SCN8A: variants seen among roughly 807,000 people sequenced by gnomAD.
SCN8A encodes sodium voltage-gated channel alpha subunit 8.
Under a neutral mutation model 184.1 loss-of-function variants are expected in SCN8A, and 30 were observed. That is an observed-to-expected ratio of 0.16 (90% confidence interval 0.12 to 0.22). The LOEUF (loss-of-function observed/expected upper bound fraction) is 0.22. Ranked by LOEUF, SCN8A falls within the 10% of genes least tolerant of loss-of-function variation. SCN8A has a pLI of 1.00. For synonymous variants in SCN8A, 852 were observed against 907.0 expected, an observed-to-expected ratio of 0.94 and a Z score of 1.09; for missense variants, 1,057 against 2,498.9, an observed-to-expected ratio of 0.42 and a Z score of 12.30.
intron 1 of SCN8A, among the ~76,000 whole-genome samples, chr12:51,633,361 C>G (rs1416301963): frequency 1.3e-5 from 2 of 152,210 alleles, no homozygotes; most frequent in African/African-American, 4.8e-5. Flanking sequence ...TGTGTTTTCT[C>G]TCCCACATGG....
intron 26 of SCN8A, among the ~76,000 whole-genome samples, chr12:51,800,912 G>A (rs905913560): frequency 6.6e-6 from 1 of 152,204 alleles, no homozygotes; most frequent in Non-Finnish European, 1.5e-5. Flanking sequence ...CTTCCTCAAA[G>A]GGACCAGGCC....
intron 13 of SCN8A, among the ~76,000 whole-genome samples, chr12:51,748,259 C>T (rs1455967549): frequency 2.0e-5 from 3 of 152,080 alleles, no homozygotes; most frequent in Admixed American, 6.6e-5. Flanking sequence ...TATTTTAATC[C>T]AAAGATTAAA....
At chr12:51,612,142 A>ATATT (rs1372007445) in intron 1 of SCN8A, among the ~76,000 whole-genome samples, 3 of 152,072 alleles carry the variant, frequency 2.0e-5, no homozygotes, top group African/African-American at 7.2e-5. Context: ...ATTAAGTATG[A>ATATT]TATTCCCTGC....
At chr12:51,779,211 CT>C (rs1214509010) in intron 20 of SCN8A, among the ~76,000 whole-genome samples, 2 of 100,986 alleles carry the variant, frequency 2.0e-5, no homozygotes, top group Non-Finnish European at 4.0e-5. Context: ...CAGAGTGAGA[CT>C]TTGTCTCAAA....
chr12:51,760,848 C>G (rs1942752270), intron 14 of SCN8A, among the ~76,000 whole-genome samples: 1 of 152,106 alleles, frequency 6.6e-6, no homozygotes, highest in African/African-American at 2.4e-5. Flanking sequence ...CACCGAAAAC[C>G]TATAGGCCAC....
chr12:51,734,273 T>C (rs1164064886), intron 12 of SCN8A, among the ~76,000 whole-genome samples: 1 of 152,074 alleles, frequency 6.6e-6, no homozygotes, highest in Non-Finnish European at 1.5e-5. Flanking sequence ...CACAGAAATA[T>C]AGAGGTGTGA....
chr12:51,805,911 C>G, intron 26 of SCN8A, among the ~76,000 whole-genome samples: 1 of 152,092 alleles, frequency 6.6e-6, no homozygotes. Flanking sequence ...TTACTACAAC[C>G]TCCACCTACC....
chr12:51,656,550 A>G (rs946846073), intron 1 of SCN8A, among the ~76,000 whole-genome samples: 14 of 152,242 alleles, frequency 9.2e-5, no homozygotes, highest in East Asian at 3.8e-4. Flanking sequence ...AATGACTTCA[A>G]TGGAGAATAC....
intron 20 of SCN8A, among the ~76,000 whole-genome samples, chr12:51,778,575 G>A (rs1261627808): frequency 1.3e-5 from 2 of 151,986 alleles, no homozygotes; most frequent in African/African-American, 2.4e-5. Context: ...TTTTTAAATC[G>A]AAACCTTTAA....
chr12:51,721,915 A>G lies in SCN8A; in HGVS notation c.1998+7A>G. 1.3e-6 allele frequency: 2 copies of G among 1,599,822 alleles called. No individual in the cohort carries two copies. The highest frequency in any genetic ancestry group is 1.7e-6 in the Non-Finnish European group (2 of 1,179,790). On this transcript the variant is annotated splice_region_variant and intron_variant, in intron 12 of 26. Transcript: ENST00000627620. ...CGGGCGTCTCCTGCCAGAGGTGAAA[A>G]TTGATAAGGCAGCTACCGATGACAG...
intron 12 of SCN8A, among the ~76,000 whole-genome samples, chr12:51,723,513 C>T (rs1942101951): frequency 6.6e-6 from 1 of 152,024 alleles, no homozygotes; most frequent in South Asian, 2.1e-4. Context: ...AAATACTCTC[C>T]CCCTTATGTT....
chr12:51,681,301 G>A (rs931040950), intron 2 of SCN8A, among the ~76,000 whole-genome samples: 2 of 152,206 alleles, frequency 1.3e-5, no homozygotes, highest in African/African-American at 4.8e-5. Flanking sequence ...GGCATAACAT[G>A]CTGCTCTTTG....
At chr12:51,744,660 G>A (rs1942480932) in intron 12 of SCN8A, among the ~76,000 whole-genome samples, 1 of 150,374 alleles carries the variant, frequency 6.7e-6, no homozygotes, top group African/African-American at 2.5e-5. Flanking sequence ...GCCCAGGATG[G>A]TCTCTAACTC....
chr12:51,713,075 C>T (rs1365999703), intron 11 of SCN8A: 22 of 1,432,490 alleles, frequency 1.5e-5, no homozygotes, highest in Non-Finnish European at 2.0e-5. Flanking sequence ...TCAACTGTAT[C>T]ATGATCATCA....
intron 11 of SCN8A, among the ~76,000 whole-genome samples, chr12:51,707,993 C>T (rs1368897310): frequency 5.3e-5 from 8 of 152,164 alleles, no homozygotes; most frequent in Admixed American, 1.3e-4. Context: ...CCATTCTAAT[C>T]CTGCCCTCCC....
At chr12:51,703,365 A>C (rs893373310) in intron 9 of SCN8A, among the ~76,000 whole-genome samples, 6 of 152,006 alleles carry the variant, frequency 3.9e-5, no homozygotes, top group African/African-American at 1.5e-4. Context: ...CTGGTCTTGC[A>C]ACTTCTGGCC....
chr12:51,744,470 T>G (rs998265921), intron 12 of SCN8A, among the ~76,000 whole-genome samples: 4 of 152,090 alleles, frequency 2.6e-5, no homozygotes, highest in Non-Finnish European at 5.9e-5. Context: ...CAGATGTTAG[T>G]GTAGTAATGC....
At chr12:51,710,912 T>C (rs900266653) in intron 11 of SCN8A, among the ~76,000 whole-genome samples, 1 of 152,238 alleles carries the variant, frequency 6.6e-6, no homozygotes, top group Non-Finnish European at 1.5e-5. Flanking sequence ...TATTTATTTA[T>C]GCTCATATCC....
intron 1 of SCN8A, among the ~76,000 whole-genome samples, chr12:51,650,587 C>G (rs1471185683): frequency 6.8e-6 from 1 of 146,582 alleles, no homozygotes; most frequent in Non-Finnish European, 1.5e-5. Context: ...TTGTTGGGAG[C>G]AGGCCCCCCA....
Sources: allele counts gnomAD v4.1 joint callset (sites outside exome capture counted in the v4.1 genomes callset), GRCh38; gene constraint gnomAD v4.1.1; transcripts MANE v1.5; gene names NCBI Gene and HGNC (gene_info 2026-07-23, HGNC 2026-07-21).